DSCAM: variants seen among roughly 807,000 people sequenced by gnomAD.
DSCAM encodes cell adhesion molecule DSCAM.
DSCAM carries 47 observed loss-of-function variants against 217.7 expected under a neutral mutation model. The ratio of observed to expected loss-of-function variants is 0.22; its 90% CI spans 0.17 to 0.28. The LOEUF (loss-of-function observed/expected upper bound fraction) is 0.28, where lower values mean the gene tolerates loss of function less well. DSCAM is among the 10% of genes least tolerant of loss of function. The probability of loss-of-function intolerance (pLI) is 1.00; values close to 1 mark genes in which losing one functional copy is unlikely to be tolerated. For missense variants in DSCAM, 2,080 were observed against 2,618.3 expected, an observed-to-expected ratio of 0.79 and a Z score of 4.49; for synonymous variants, 1,056 against 1,015.3, an observed-to-expected ratio of 1.04 and a Z score of -0.76.
At chr21:40,759,339 A>G (rs1439529935) in intron 1 of DSCAM, among the ~76,000 whole-genome samples, 1 of 152,118 alleles carries the variant, frequency 6.6e-6, no homozygotes, top group African/African-American at 2.4e-5. Flanking sequence ...TTCTCCAAGC[A>G]TCATGGTCAC....
At chr21:40,110,618 G>A (rs762246592) in intron 20 of DSCAM, among the ~76,000 whole-genome samples, 2 of 152,066 alleles carry the variant, frequency 1.3e-5, no homozygotes, top group African/African-American at 4.8e-5. Context: ...AAACGACTCA[G>A]AGCTAAAGGA....
chr21:40,767,888 TTCTC>T (rs1555887123), intron 1 of DSCAM, among the ~76,000 whole-genome samples: 3 of 150,970 alleles, frequency 2.0e-5, no homozygotes, highest in South Asian at 2.1e-4. Flanking sequence ...TTTTCTCTCT[TTCTC>T]TCTCTCCCTG....
chr21:40,203,787 T>C (rs1247747240), intron 11 of DSCAM, among the ~76,000 whole-genome samples: 1 of 152,208 alleles, frequency 6.6e-6, no homozygotes, highest in Non-Finnish European at 1.5e-5. Context: ...TACATTCCTG[T>C]ACGGCTAAAG....
At chr21:40,586,118 A>G (rs368074077) in intron 3 of DSCAM, among the ~76,000 whole-genome samples, 1 of 152,086 alleles carries the variant, frequency 6.6e-6, no homozygotes, top group African/African-American at 2.4e-5. Flanking sequence ...CAGCCTCCCA[A>G]ACTGCTGGGA....
intron 1 of DSCAM, among the ~76,000 whole-genome samples, chr21:40,710,272 A>AG (rs2090765291): frequency 6.9e-6 from 1 of 144,612 alleles, no homozygotes; most frequent in Non-Finnish European, 1.5e-5. Context: ...TCAACAATAC[A>AG]CTTTTATTTA....
chr21:40,834,072 C>A (rs1201965104), intron 1 of DSCAM, among the ~76,000 whole-genome samples: 1 of 152,122 alleles, frequency 6.6e-6, no homozygotes, highest in Non-Finnish European at 1.5e-5. Flanking sequence ...GTGCATACTT[C>A]TTTTAAAAGT....
At chr21:40,147,172 G>C (rs2090366947) in intron 16 of DSCAM, among the ~76,000 whole-genome samples, 1 of 152,204 alleles carries the variant, frequency 6.6e-6, no homozygotes, top group African/African-American at 2.4e-5. Flanking sequence ...CACAGTATGG[G>C]GGCTGTGGAG....
intron 10 of DSCAM, among the ~76,000 whole-genome samples, chr21:40,282,447 C>T (rs1324327235): frequency 2.0e-5 from 3 of 151,316 alleles, no homozygotes; most frequent in East Asian, 1.9e-4. Context: ...AAAAATTAGC[C>T]GGGCGTGGTA....
intron 11 of DSCAM, among the ~76,000 whole-genome samples, chr21:40,268,430 T>C (rs751520399): frequency 7.9e-5 from 12 of 152,052 alleles, no homozygotes; most frequent in Non-Finnish European, 1.3e-4. Flanking sequence ...TGGAAGGTAA[T>C]GGCTGATTGA....
chr21:40,364,462 G>A (rs2123685137), intron 4 of DSCAM, among the ~76,000 whole-genome samples: 1 of 150,110 alleles, frequency 6.7e-6, no homozygotes, highest in East Asian at 2.0e-4. Flanking sequence ...CTCACTCATA[G>A]GTGGGAATTG....
chr21:40,538,025 G>C (rs1275433331), intron 3 of DSCAM, among the ~76,000 whole-genome samples: 3 of 152,216 alleles, frequency 2.0e-5, no homozygotes, highest in Non-Finnish European at 4.4e-5. Context: ...AGTGGTAGGT[G>C]AGTGAGTGAG....
intron 3 of DSCAM, among the ~76,000 whole-genome samples, chr21:40,598,201 C>T (rs774295709): frequency 5.3e-5 from 8 of 152,168 alleles, no homozygotes; most frequent in Admixed American, 1.3e-4. Flanking sequence ...GATCCACATA[C>T]GATGTGGCTT....
intron 28 of DSCAM, among the ~76,000 whole-genome samples, chr21:40,059,850 C>G (rs1325467023): frequency 6.6e-6 from 1 of 152,172 alleles, no homozygotes; most frequent in Non-Finnish European, 1.5e-5. Context: ...CTAGAGAAAA[C>G]AGCAACACAG....
chr21:40,140,369 T>C (rs2090274767), intron 18 of DSCAM, among the ~76,000 whole-genome samples: 2 of 152,204 alleles, frequency 1.3e-5, no homozygotes, highest in African/African-American at 4.8e-5. Context: ...TGTTTTTGAA[T>C]ATTCAAGTTT....
chr21:40,614,214 T>C (rs1490835429), intron 3 of DSCAM, among the ~76,000 whole-genome samples: 1 of 152,154 alleles, frequency 6.6e-6, no homozygotes, highest in African/African-American at 2.4e-5. Flanking sequence ...GGAAGAGAGA[T>C]GCAGGCTGTA....
chr21:40,705,689 G>A (rs1259522550), intron 2 of DSCAM, among the ~76,000 whole-genome samples: 4 of 152,168 alleles, frequency 2.6e-5, no homozygotes, highest in Admixed American at 1.3e-4. Flanking sequence ...CTTACCCCAT[G>A]ATTCAATGAC....
rs182647038 is a variant in DSCAM, at chr21:40,325,306, T to C, written c.1783+12795A>G. Among the ~76,000 whole-genome samples, 88 of 152,270 alleles carry C rather than the reference T, an allele frequency of 5.8e-4. 1 individual carries two copies. The highest frequency in any genetic ancestry group is 2.5e-4 in the Non-Finnish European group (17 of 67,998). ...GAAAACATGGGTCATTTAATAAATA[T>C]TGGGATAACTGACTCGATATAGATA... On this transcript the variant is annotated intron_variant, in intron 8 of 32. Transcript: ENST00000400454.
At chr21:40,369,294 C>T (rs773422774) in intron 3 of DSCAM, 49 bp from the exon 4 acceptor site, 1 of 1,557,858 alleles carries the variant, frequency 6.4e-7, no homozygotes, top group Admixed American at 2.0e-5. Flanking sequence ...TGAAAGCAAC[C>T]CAACCACACA....
At chr21:40,187,838 A>G in intron 13 of DSCAM, 53 bp downstream of exon 13, 3 of 1,472,090 alleles carry the variant, frequency 2.0e-6, no homozygotes, top group Middle Eastern at 3.4e-4. Flanking sequence ...CTGAGCATAC[A>G]GCTCCCATCC....
Sources: gnomAD v4.1 joint callset for allele counts (sites outside exome capture counted in the v4.1 genomes callset) on GRCh38, gnomAD v4.1.1 for gene constraint, MANE v1.5 for transcripts, NCBI Gene and HGNC (gene_info 2026-07-23, HGNC 2026-07-21) for gene names.